The following ROCK2 variants were observed in gnomAD, a reference collection of about 807,000 sequenced individuals.
ROCK2 encodes the protein Rho associated coiled-coil containing protein kinase 2.
ROCK2 carries 61 observed loss-of-function variants against 195.1 expected under a neutral mutation model. That is an observed-to-expected ratio of 0.31 (90% confidence interval 0.25 to 0.39). ROCK2 has a LOEUF of 0.39. Ranked by LOEUF, ROCK2 falls within the 10% of genes least tolerant of loss-of-function variation. The pLI is 1.00. For missense variants in ROCK2, 1,109 were observed against 1,637.4 expected (o/e 0.68, Z 5.57); for synonymous variants, 504 against 545.5 (o/e 0.92, Z 1.06).
At chr2:11,202,399 T>G (rs1051206748) in intron 20 of ROCK2, among the ~76,000 whole-genome samples, 2 of 152,064 alleles carry the variant, frequency 1.3e-5, no homozygotes, top group African/African-American at 2.4e-5. Flanking sequence ...GTTTTAAAGT[T>G]TTCTCAGTTT....
At chr2:11,340,729 CAGAT>C (rs761954922) in intron 1 of ROCK2, among the ~76,000 whole-genome samples, 87 of 152,230 alleles carry the variant, frequency 5.7e-4, no homozygotes, top group Non-Finnish European at 1.1e-3. Context: ...ATAATATTGT[CAGAT>C]AGTTTACAAG....
intron 4 of ROCK2, among the ~76,000 whole-genome samples, chr2:11,245,839 G>T (rs771013442): frequency 6.6e-6 from 1 of 152,100 alleles, no homozygotes; most frequent in East Asian, 1.9e-4. Context: ...TATCACACAG[G>T]TTTTAAGTCC....
At chr2:11,317,222 TAATA>T (rs1298963668) in intron 1 of ROCK2, among the ~76,000 whole-genome samples, 1 of 151,984 alleles carries the variant, frequency 6.6e-6, no homozygotes, top group Non-Finnish European at 1.5e-5. Flanking sequence ...TGGCCTGAAA[TAATA>T]AATTTAGTCA....
rs751817085 is a variant in ROCK2, at chr2:11,198,649, A to C, written c.3004+32T>G. ...ACAGCAGCTGATAAACATTAGGTAT[A>C]TTAAAAATAAACATTTTTTGTTAAT... On this transcript the variant is annotated intron_variant, in intron 24 of 32. Transcript: ENST00000315872. The C allele has an allele frequency of 3.2e-6, 5 of 1,572,284 alleles. No homozygotes were observed. In the South Asian group the frequency reaches 5.7e-5, roughly 18 times the overall value.
chr2:11,260,070 T>C (rs749917343), intron 3 of ROCK2, among the ~76,000 whole-genome samples: 2 of 151,596 alleles, frequency 1.3e-5, no homozygotes, highest in Admixed American at 1.3e-4. Context: ...TTCAACTGAT[T>C]TGTGTTCAAT....
At chr2:11,240,267 A>T (rs998646674) in intron 4 of ROCK2, among the ~76,000 whole-genome samples, 11 of 152,218 alleles carry the variant, frequency 7.2e-5, no homozygotes, top group African/African-American at 2.4e-4. Context: ...GTCAGCCCTC[A>T]TCCTGAAGCT....
chr2:11,226,200 G>A (rs936376653), intron 6 of ROCK2, among the ~76,000 whole-genome samples: 24 of 152,086 alleles, frequency 1.6e-4, no homozygotes, highest in African/African-American at 5.1e-4. Flanking sequence ...CCCATGCCAC[G>A]TCACTGGCTT....
intron 16 of ROCK2, 33 bp from the exon 17 acceptor site, chr2:11,214,496 A>G (rs1279744061): frequency 8.0e-7 from 1 of 1,244,922 alleles, no homozygotes; most frequent in Non-Finnish European, 1.2e-6. Flanking sequence ...AAAACATTAA[A>G]CCCACAAAGT....
chr2:11,236,013 C>T (rs773474509), intron 4 of ROCK2, 51 bp from the exon 5 acceptor site: 10 of 1,419,016 alleles, frequency 7.0e-6, no homozygotes, highest in African/African-American at 1.4e-5. Flanking sequence ...AACCAAAAAT[C>T]ATAATCAGAA....
intron 1 of ROCK2, among the ~76,000 whole-genome samples, chr2:11,327,098 C>G (rs980741789): frequency 1.3e-5 from 2 of 152,172 alleles, no homozygotes; most frequent in Non-Finnish European, 1.5e-5. Context: ...CACTGCTCAA[C>G]AAATGCTTTT....
At chr2:11,212,063 C>A (rs939378322) in intron 17 of ROCK2, among the ~76,000 whole-genome samples, 4 of 151,820 alleles carry the variant, frequency 2.6e-5, no homozygotes, top group African/African-American at 9.7e-5. Context: ...TTTGTCACCA[C>A]TCCTGGCTAA....
intron 3 of ROCK2, among the ~76,000 whole-genome samples, chr2:11,284,661 T>C (rs906214047): frequency 1.6e-4 from 24 of 152,354 alleles, no homozygotes; most frequent in Middle Eastern, 3.4e-3. Context: ...TTAGAAATTA[T>C]ATTAAAGCAG....
intron 1 of ROCK2, among the ~76,000 whole-genome samples, chr2:11,325,938 C>CA (rs1668537058): frequency 1.3e-5 from 2 of 152,214 alleles, no homozygotes; most frequent in Non-Finnish European, 1.5e-5. Context: ...TCAAAGATAA[C>CA]AGACACTAGA....
intron 3 of ROCK2, among the ~76,000 whole-genome samples, chr2:11,268,738 G>A (rs892469750): frequency 2.6e-5 from 4 of 152,114 alleles, no homozygotes; most frequent in African/African-American, 9.7e-5. Flanking sequence ...AAGTGTGACC[G>A]TAAGATTTCT....
chr2:11,284,724 G>A (rs1667126437), intron 3 of ROCK2, among the ~76,000 whole-genome samples: 1 of 152,078 alleles, frequency 6.6e-6, no homozygotes. Context: ...ACTCTTGCCT[G>A]CTTACAATCC....
intron 3 of ROCK2, among the ~76,000 whole-genome samples, chr2:11,269,349 T>C (rs1326677271): frequency 6.6e-6 from 1 of 151,900 alleles, no homozygotes; most frequent in East Asian, 1.9e-4. Context: ...CCATCTCTAC[T>C]AAAAACACAA....
At chr2:11,216,640 A>G (rs1664440107) in intron 12 of ROCK2, among the ~76,000 whole-genome samples, 2 of 150,632 alleles carry the variant, frequency 1.3e-5, no homozygotes, top group South Asian at 4.2e-4. Flanking sequence ...CCTCCCAAGT[A>G]ATTCCCTTGA....
chr2:11,276,391 A>C (rs1178281073), intron 3 of ROCK2, among the ~76,000 whole-genome samples: 1 of 152,196 alleles, frequency 6.6e-6, no homozygotes, highest in African/African-American at 2.4e-5. Flanking sequence ...AAAATAAACA[A>C]TCTAAAATGA....
At chr2:11,301,116 A>T (rs1305408486) in intron 1 of ROCK2, among the ~76,000 whole-genome samples, 1 of 152,208 alleles carries the variant, frequency 6.6e-6, no homozygotes, top group Non-Finnish European at 1.5e-5. Flanking sequence ...GTGGGGAAAG[A>T]AAAAGTTTGT....
Sources: gnomAD v4.1 joint callset for allele counts (sites outside exome capture counted in the v4.1 genomes callset) on GRCh38, gnomAD v4.1.1 for gene constraint, MANE v1.5 for transcripts, NCBI Gene and HGNC (gene_info 2026-07-23, HGNC 2026-07-21) for gene names.